The following GTPBP8 variants were observed in gnomAD, a reference collection of about 807,000 sequenced individuals.
GTPBP8 encodes the protein GTP-binding protein 8.
In GTPBP8, 21 loss-of-function variants were observed where a neutral mutation model predicts 27.3. The observed-to-expected ratio is 0.77, with a 90% CI of 0.55 to 1.11. GTPBP8 has a LOEUF of 1.11. Among genes scored for constraint, GTPBP8 ranks in the 50% least tolerant of loss-of-function variants. The probability of loss-of-function intolerance (pLI) is 0.00; values close to 1 mark genes in which losing one functional copy is unlikely to be tolerated. For synonymous variants in GTPBP8, 147 were observed against 135.3 expected, an observed-to-expected ratio of 1.09 and a Z score of -0.60; for missense variants, 380 against 350.8, an observed-to-expected ratio of 1.08 and a Z score of -0.67.
chr3:112,991,607 G>T (rs759186869), intron 1 of GTPBP8: 12 of 647,126 alleles, frequency 1.9e-5, no homozygotes, highest in South Asian at 1.8e-4. Context: ...GAGACTGCCT[G>T]TATACAGCTT....
At chr3:112,992,226 A>T (rs897684443) in intron 1 of GTPBP8, 1 of 152,230 alleles carries the variant, frequency 6.6e-6, no homozygotes, top group Non-Finnish European at 1.5e-5. Context: ...AGCATTTAAA[A>T]TTTTTGCAGG....
rs1933897219 is a variant in GTPBP8 at position 113,001,048 on chromosome 3, A to T, written c.*129A>T. 1 of 591,374 alleles carries T rather than the reference A, an allele frequency of 1.7e-6. No homozygotes were observed. 36.6% of individuals were successfully genotyped at this position (591,374 alleles called of 1,614,324 possible). On this transcript the variant is annotated 3_prime_UTR_variant, in exon 6 of 6. Transcript: ENST00000383678. ...TCTGTAACTTCAGGAGGATCACTTG[A>T]GCTTTAAAACCTGTGCCTTCTCGAA...
chr3:112,998,993 T>A (rs1207169794), intron 4 of GTPBP8, among the ~76,000 whole-genome samples: 4 of 152,230 alleles, frequency 2.6e-5, no homozygotes, highest in Non-Finnish European at 5.9e-5. Flanking sequence ...GGAATATAAC[T>A]AGTAGATAGA....
chr3:112,993,727 C>T (rs986856127), intron 2 of GTPBP8, among the ~76,000 whole-genome samples: 2 of 152,220 alleles, frequency 1.3e-5, no homozygotes, highest in Admixed American at 6.5e-5. Flanking sequence ...CCCTAATGTT[C>T]ACTATCCCTG....
chr3:112,995,170 A>C lies in GTPBP8; in HGVS notation c.471A>C (p.Gly157=), dbSNP rs1933760021. ...AGAAAATGAATTTTTTCAAAGTTGG[A>C]AAACATTTTACAGTGGTGGACATGC... The part of the protein sequence containing the change: ...HTKKMNFFKV[G]KHFTVVDMPG... The change falls in exon 3 of 6, where the codon GGA becomes GGC. Residue 157 remains glycine, a synonymous_variant. Coordinates refer to ENST00000383678, the MANE Select transcript of GTPBP8 (RefSeq NM_014170.4). 1 of 1,605,994 alleles carries C rather than the reference A, an allele frequency of 6.2e-7. No homozygotes were observed. Among genetic ancestry groups the C allele is most frequent in the African/African-American group, 1.3e-5 (1 of 74,552 alleles).
At chr3:112,996,638 C>T (rs928194393) in intron 3 of GTPBP8, among the ~76,000 whole-genome samples, 1 of 152,144 alleles carries the variant, frequency 6.6e-6, no homozygotes, top group African/African-American at 2.4e-5. Flanking sequence ...GGCAGAATGT[C>T]TTATATCCAA....
chr3:112,992,480 T>C (rs1933702220), intron 1 of GTPBP8: 1 of 152,462 alleles, frequency 6.6e-6, no homozygotes, highest in Non-Finnish European at 1.5e-5. Flanking sequence ...GAATATTCTG[T>C]TGTTTTCCAC....
intron 2 of GTPBP8, among the ~76,000 whole-genome samples, chr3:112,994,259 A>C (rs940053403): frequency 2.0e-5 from 3 of 152,068 alleles, no homozygotes; most frequent in African/African-American, 7.2e-5. Context: ...CCCCATTTCC[A>C]CTAAAAATAC....
chr3:112,991,373 G>C (rs762262788), intron 1 of GTPBP8, 38 bp downstream of exon 1: 1 of 1,584,124 alleles, frequency 6.3e-7, no homozygotes, highest in Non-Finnish European at 8.7e-7. Flanking sequence ...GCGCGCCGGC[G>C]TCACAGCGCT....
Position 112,991,090 on chromosome 3 carries a change from C to G in GTPBP8, c.91C>G (p.Gln31Glu), listed in dbSNP as rs780777805. Residue 31 changes from glutamine to glutamate, a missense_variant, in exon 1 of 6, where the codon CAA (glutamine) becomes GAA (glutamate). Coordinates refer to ENST00000383678, the MANE Select transcript of GTPBP8 (RefSeq NM_014170.4). ...ERLSRYNSTSQAFAEVLRLPK... is the reference protein window; with the variant it reads ...ERLSRYNSTSEAFAEVLRLPK... Reference sequence around the variant, plus strand: ...ACTGAGCCGCTATAATAGCACGTCCCAAGCTTTTGCTGAGGTGCTGCGGCT... The same window carrying G: ...ACTGAGCCGCTATAATAGCACGTCCGAAGCTTTTGCTGAGGTGCTGCGGCT... 1.2e-5 allele frequency: 19 copies of G among 1,613,946 alleles called. No individual in the cohort carries two copies. In the South Asian group the frequency reaches 2.1e-4, roughly 18 times the overall value.
Position 113,000,944 on chromosome 3 carries a change from C to CAAA in GTPBP8, c.*39_*41dup, listed in dbSNP as rs34779191. On this transcript the variant is annotated 3_prime_UTR_variant, in exon 6 of 6. Transcript: ENST00000383678. ...ATGGTTCCCGGTTTAGCTGAAGATT[C>CAAA]AAAAAAAAAAAAAAAAGCTTTATGC... is the stretch of plus-strand genomic sequence containing the variant. 2.3e-5 allele frequency: 19 copies of CAAA among 817,476 alleles called. No individual in the cohort carries two copies. The highest frequency in any genetic ancestry group is 1.2e-4 in the South Asian group (7 of 59,762). 50.6% of individuals were successfully genotyped at this position (817,476 alleles called of 1,614,324 possible).
chr3:112,997,031 T>C (rs780777836), intron 4 of GTPBP8, 40 bp downstream of exon 4: 3 of 916,818 alleles, frequency 3.3e-6, no homozygotes, highest in Non-Finnish European at 3.6e-6. Flanking sequence ...ATTAGAAATA[T>C]CAGTTCTACG....
In GTPBP8 at chr3:113,001,214, ACAG is replaced by A. The variant is rs558091524; in HGVS notation, c.*296_*298del. On this transcript the variant is annotated 3_prime_UTR_variant, in exon 6 of 6. Transcript: ENST00000383678. ...AAATGAAAACCTGTTACAACTATGT[ACAG>A]AAGGGTTTGACGTTTTATTGGGCTT... 6 of 228,384 alleles carry A rather than the reference ACAG, an allele frequency of 2.6e-5. No individual in the cohort carries two copies. Among genetic ancestry groups the A allele is most frequent in the Non-Finnish European group, 5.1e-5 (6 of 118,440 alleles). The allele number at this position is 228,384 out of a possible 1,614,324, so 14.1% of individuals were successfully genotyped here.
In GTPBP8 at chr3:112,999,430, ATT is replaced by A. The variant is rs746008402; in HGVS notation, c.667-14_667-13del. ...ACCACTTTATTTCTAATGCATAAAAATTTGTTTTCTTATAGATTGTATTAACA... is the reference window on the plus strand; with the variant it reads ...ACCACTTTATTTCTAATGCATAAAAATGTTTTCTTATAGATTGTATTAACA... On this transcript the variant is annotated splice_polypyrimidine_tract_variant and intron_variant, in intron 4 of 5. Coordinates refer to ENST00000383678, the MANE Select transcript of GTPBP8 (RefSeq NM_014170.4). The A allele has an allele frequency of 1.1e-6, 1 of 928,768 alleles. No individual in the cohort carries two copies. Among genetic ancestry groups the A allele is most frequent in the South Asian group, 1.7e-5 (1 of 59,054 alleles). The allele number at this position is 928,768 out of a possible 1,614,324, so 57.5% of individuals were successfully genotyped here.
At position 112,995,381 on chromosome 3, in the gene GTPBP8, A is replaced by C. The variant is rs1267043534; in HGVS notation, c.566+116A>C. ...GTTTTATCAAATGACTTATTTTATA[A>C]GGTCCATTTTATTCTCATAATATTC... On this transcript the variant is annotated intron_variant, in intron 3 of 5. Coordinates refer to ENST00000383678, the MANE Select transcript of GTPBP8 (RefSeq NM_014170.4). 4.7e-6 allele frequency: 3 copies of C among 643,122 alleles called. No homozygotes were observed. In the African/African-American group the frequency reaches 5.5e-5, roughly 12 times the overall value. 39.8% of individuals were successfully genotyped at this position (643,122 alleles called of 1,614,324 possible). A position where few individuals can be genotyped will look rare whatever the true frequency, so the allele number is the denominator to read the frequency against.
At position 112,991,301 on chromosome 3, in the gene GTPBP8, G is replaced by A. The variant is rs912543349; in HGVS notation, c.302G>A (p.Arg101His). The change falls in exon 1 of 6, where the codon CGT (arginine) becomes CAT (histidine). Residue 101 changes from arginine to histidine, a missense_variant. Transcript: ENST00000383678. ...NRIDYVSSAV[R>H]IDHAPDLPRP... ...ATCGACTACGTCAGCTCCGCCGTCC[G>A]TATCGACCACGCCCCGGACCTTCCG... is the stretch of plus-strand genomic sequence containing the variant. 2 of 1,613,610 alleles carry A rather than the reference G, an allele frequency of 1.2e-6. No individual in the cohort carries two copies. Among genetic ancestry groups the A allele is most frequent in the Non-Finnish European group, 1.7e-6 (2 of 1,180,052 alleles).
rs1341760895 is a variant in GTPBP8, at chr3:112,995,131, T to G, written c.436-4T>G. ...AGCTTTTCTTTTTCTATTTACTTTA[T>G]CAGGGACACACAAAGAAAATGAATT... On this transcript the variant is annotated splice_polypyrimidine_tract_variant and splice_region_variant and intron_variant, in intron 2 of 5. Coordinates refer to ENST00000383678, the MANE Select transcript of GTPBP8 (RefSeq NM_014170.4). The G allele has an allele frequency of 6.3e-7, 1 of 1,585,520 alleles. No individual in the cohort carries two copies. Among genetic ancestry groups the G allele is most frequent in the Non-Finnish European group, 8.6e-7 (1 of 1,165,282 alleles).
intron 5 of GTPBP8, among the ~76,000 whole-genome samples, chr3:113,000,480 T>C (rs888849229): frequency 6.6e-6 from 1 of 152,148 alleles, no homozygotes; most frequent in East Asian, 1.9e-4. Context: ...GGAAGACAGA[T>C]AGATAAATAA....
intron 1 of GTPBP8, chr3:112,991,716 A>G (rs1204027126): frequency 7.6e-6 from 3 of 392,710 alleles, no homozygotes; most frequent in South Asian, 4.0e-5. Flanking sequence ...TTTTTCTTCT[A>G]TTTAACTTAA....
Sources: allele counts gnomAD v4.1 joint callset (sites outside exome capture counted in the v4.1 genomes callset), GRCh38; gene constraint gnomAD v4.1.1; transcripts MANE v1.5; gene names NCBI Gene and HGNC (gene_info 2026-07-23, HGNC 2026-07-21).